SLIT2: variants seen among roughly 807,000 people sequenced by gnomAD.
The protein encoded by SLIT2 is slit guidance ligand 2.
Under a neutral mutation model 185.7 loss-of-function variants are expected in SLIT2, and 41 were observed. That is an observed-to-expected ratio of 0.22 (90% CI 0.17 to 0.29). The LOEUF (loss-of-function observed/expected upper bound fraction) is 0.29. Ranked by LOEUF, SLIT2 falls within the 10% of genes least tolerant of loss-of-function variation. The pLI is 1.00. For synonymous variants in SLIT2, 693 were observed against 680.2 expected, an observed-to-expected ratio of 1.02 and a Z score of -0.29; for missense variants, 1,571 against 1,909.0, an observed-to-expected ratio of 0.82 and a Z score of 3.30.
chr4:20,294,760 C>G (rs530461109), intron 4 of SLIT2, among the ~76,000 whole-genome samples: 11 of 152,062 alleles, frequency 7.2e-5, no homozygotes, highest in Non-Finnish European at 1.6e-4. Context: ...AGGTAGATAG[C>G]CATGGTTGGA....
intron 9 of SLIT2, among the ~76,000 whole-genome samples, chr4:20,508,896 G>A (rs1560485494): frequency 6.6e-6 from 1 of 151,974 alleles, no homozygotes. Context: ...TGATACTGTT[G>A]AAGAAAAACC....
At chr4:20,466,875 A>G (rs1490807667) in intron 4 of SLIT2, among the ~76,000 whole-genome samples, 1 of 152,120 alleles carries the variant, frequency 6.6e-6, no homozygotes, top group Non-Finnish European at 1.5e-5. Context: ...CAACTCTACT[A>G]TGTGGTAATA....
intron 22 of SLIT2, among the ~76,000 whole-genome samples, chr4:20,547,712 T>C (rs1723370376): frequency 6.7e-6 from 1 of 150,124 alleles, no homozygotes; most frequent in African/African-American, 2.4e-5. Flanking sequence ...TGTATATATA[T>C]TTTAATATAT....
intron 9 of SLIT2, among the ~76,000 whole-genome samples, chr4:20,504,097 G>C (rs1718984402): frequency 6.6e-6 from 1 of 152,128 alleles, no homozygotes; most frequent in Non-Finnish European, 1.5e-5. Context: ...AAAGTTGGAA[G>C]TAGCATTCCA....
chr4:20,305,071 G>A (rs1391503519), intron 4 of SLIT2, among the ~76,000 whole-genome samples: 1 of 152,274 alleles, frequency 6.6e-6, no homozygotes, highest in African/African-American at 2.4e-5. Context: ...TTGGCAAATA[G>A]GTATTCGAAA....
Position 20,500,451 on chromosome 4 carries a change from A to G in SLIT2, c.914+8552A>G, listed in dbSNP as rs147129655. On this transcript the variant is annotated intron_variant, in intron 9 of 36. Coordinates refer to ENST00000504154, the MANE Select transcript of SLIT2 (RefSeq NM_004787.4). ...AATCCACTCACAAATTAGCTAGCCT[A>G]CAACATTACTTTCACTTCACATTTT... is the stretch of plus-strand genomic sequence containing the variant. Among the ~76,000 whole-genome samples the G allele has an allele frequency of 6.4e-4, 97 of 152,266 alleles. No individual in the cohort carries two copies. In the East Asian group the frequency reaches 0.017, roughly 27 times the overall value.
chr4:20,358,945 A>G (rs540878356), intron 4 of SLIT2, among the ~76,000 whole-genome samples: 20 of 152,218 alleles, frequency 1.3e-4, no homozygotes, highest in Non-Finnish European at 2.2e-4. Flanking sequence ...TCGGACAATC[A>G]TTTTGGGTTC....
chr4:20,258,684 T>A (rs1305567268), intron 3 of SLIT2, among the ~76,000 whole-genome samples: 2 of 151,680 alleles, frequency 1.3e-5, no homozygotes, highest in Non-Finnish European at 3.0e-5. Context: ...CTGAAATAAT[T>A]AAGATAAATT....
chr4:20,408,696 A>G (rs1019606534), intron 4 of SLIT2, among the ~76,000 whole-genome samples: 3 of 152,144 alleles, frequency 2.0e-5, no homozygotes, highest in African/African-American at 7.2e-5. Context: ...TATCGCTCTA[A>G]TAGTCCTTGA....
chr4:20,347,184 A>T (rs114929356), intron 4 of SLIT2, among the ~76,000 whole-genome samples: 13 of 152,292 alleles, frequency 8.5e-5, no homozygotes, highest in African/African-American at 3.1e-4. Flanking sequence ...TGTCAGCAAG[A>T]TGTTATTGCC....
chr4:20,409,790 G>A (rs1392591925), intron 4 of SLIT2, among the ~76,000 whole-genome samples: 1 of 152,056 alleles, frequency 6.6e-6, no homozygotes, highest in African/African-American at 2.4e-5. Context: ...ATATCTCATT[G>A]TGGTTCTAAT....
intron 26 of SLIT2, among the ~76,000 whole-genome samples, chr4:20,560,845 C>CA (rs1560195955): frequency 1.3e-5 from 2 of 151,690 alleles, no homozygotes; most frequent in African/African-American, 4.9e-5. Context: ...TATTCAAGTT[C>CA]GTACAATGTT....
chr4:20,312,483 A>G (rs1718201529), intron 4 of SLIT2, among the ~76,000 whole-genome samples: 3 of 152,098 alleles, frequency 2.0e-5, no homozygotes, highest in African/African-American at 7.2e-5. Context: ...TATATTAAAG[A>G]AAACATATGG....
chr4:20,458,947 A>G (rs1713386784), intron 4 of SLIT2, among the ~76,000 whole-genome samples: 1 of 152,210 alleles, frequency 6.6e-6, no homozygotes, highest in Non-Finnish European at 1.5e-5. Context: ...TGTAAATTGC[A>G]TACTTTTTCA....
chr4:20,288,754 T>C (rs1236657724), intron 4 of SLIT2, among the ~76,000 whole-genome samples: 1 of 152,200 alleles, frequency 6.6e-6, no homozygotes, highest in African/African-American at 2.4e-5. Context: ...CCATAGCTTT[T>C]AGTTACTTTC....
chr4:20,368,292 A>G (rs1723297987), intron 4 of SLIT2, among the ~76,000 whole-genome samples: 1 of 151,300 alleles, frequency 6.6e-6, no homozygotes, highest in Non-Finnish European at 1.5e-5. Flanking sequence ...TAACACAGTC[A>G]TCTAACAGAC....
Position 20,589,743 on chromosome 4 carries a change from T to C in SLIT2, c.3182+6T>C. ...CTAACTCCAAAGGGATTCAAGTAAG[T>C]CAAAAGCTACCTTTTTGCTCACAGT... is the stretch of plus-strand genomic sequence containing the variant. On this transcript the variant is annotated splice_donor_region_variant and intron_variant, in intron 30 of 36. Transcript: ENST00000504154. The C allele has an allele frequency of 6.2e-7, 1 of 1,609,234 alleles. No homozygotes were observed. Among genetic ancestry groups the C allele is most frequent in the Non-Finnish European group, 8.5e-7 (1 of 1,176,276 alleles).
chr4:20,587,404 A>G (rs578164294), intron 29 of SLIT2, among the ~76,000 whole-genome samples: 2 of 152,336 alleles, frequency 1.3e-5, no homozygotes, highest in African/African-American at 4.8e-5. Context: ...AGTACCATAT[A>G]CAATCTCAGT....
At chr4:20,512,858 A>G (rs1719879436) in intron 11 of SLIT2, among the ~76,000 whole-genome samples, 1 of 152,192 alleles carries the variant, frequency 6.6e-6, no homozygotes, top group Non-Finnish European at 1.5e-5. Context: ...TTCCCTTAAT[A>G]ATGTTAATTG....
Sources: gnomAD v4.1 joint callset for allele counts (sites outside exome capture counted in the v4.1 genomes callset) on GRCh38, gnomAD v4.1.1 for gene constraint, MANE v1.5 for transcripts, NCBI Gene and HGNC (gene_info 2026-07-23, HGNC 2026-07-21) for gene names.